Variants in RYK observed in about 807,000 individuals in gnomAD.
RYK encodes inactive tyrosine-protein kinase RYK.
In RYK, 21 loss-of-function variants were observed where a neutral mutation model predicts 70.2. The observed-to-expected ratio is 0.30, with a 90% CI of 0.21 to 0.43. RYK has a LOEUF of 0.43. Ranked by LOEUF, RYK falls within the 20% of genes least tolerant of loss-of-function variation. The pLI, the probability that RYK is intolerant of heterozygous loss-of-function variation, is 1.00. For synonymous variants in RYK, 267 were observed against 278.0 expected, an observed-to-expected ratio of 0.96 and a Z score of 0.39; for missense variants, 604 against 753.3, an observed-to-expected ratio of 0.80 and a Z score of 2.32.
At chr3:134,178,314 T>G in intron 10 of RYK, 1 of 361,744 alleles carries the variant, frequency 2.8e-6, no homozygotes, top group Non-Finnish European at 4.9e-6. Flanking sequence ...AACTCAAAGT[T>G]GCTTCCTGTG....
intron 6 of RYK, among the ~76,000 whole-genome samples, chr3:134,202,123 C>T (rs2014046720): frequency 1.3e-5 from 2 of 152,104 alleles, no homozygotes; most frequent in South Asian, 4.1e-4. Flanking sequence ...CTTTCTGTTC[C>T]CAGCACTTAG....
intron 5 of RYK, among the ~76,000 whole-genome samples, chr3:134,204,540 CAAAA>C (rs1269847238): frequency 6.7e-6 from 1 of 150,142 alleles, no homozygotes; most frequent in East Asian, 2.0e-4. Flanking sequence ...ATAAGAGAGA[CAAAA>C]AGAAAGCCTC....
At chr3:134,247,071 C>T (rs371723676) in intron 1 of RYK, among the ~76,000 whole-genome samples, 28 of 151,594 alleles carry the variant, frequency 1.8e-4, no homozygotes, top group African/African-American at 3.1e-4. Flanking sequence ...CGAATCAAAA[C>T]GCAATTTTGA....
At chr3:134,225,994 A>T (rs930851085) in intron 1 of RYK, among the ~76,000 whole-genome samples, 1 of 152,168 alleles carries the variant, frequency 6.6e-6, no homozygotes, top group Non-Finnish European at 1.5e-5. Context: ...TGCATTTAAA[A>T]TTTTTTTAAA....
chr3:134,233,900 C>A (rs2015131554), intron 1 of RYK, among the ~76,000 whole-genome samples: 1 of 152,070 alleles, frequency 6.6e-6, no homozygotes, highest in South Asian at 2.1e-4. Flanking sequence ...CAATGTCTGG[C>A]ACCTAGAATA....
At chr3:134,191,257 G>A (rs1017578219) in intron 8 of RYK, among the ~76,000 whole-genome samples, 2 of 152,176 alleles carry the variant, frequency 1.3e-5, no homozygotes, top group East Asian at 1.9e-4. Flanking sequence ...CCAGTGAGAG[G>A]TGAAGGGAAG....
At chr3:134,216,059 G>A (rs1478727490) in intron 2 of RYK, among the ~76,000 whole-genome samples, 4 of 146,998 alleles carry the variant, frequency 2.7e-5, no homozygotes. Context: ...AAAAGAAAAA[G>A]AAAATAAAAG....
chr3:134,202,928 G>A, intron 5 of RYK, 54 bp from the exon 6 acceptor site: 1 of 1,464,702 alleles, frequency 6.8e-7, no homozygotes. Context: ...TGACTGCTTT[G>A]TGACCCAATA....
chr3:134,224,198 G>A (rs1220874113), intron 1 of RYK, among the ~76,000 whole-genome samples: 6 of 152,154 alleles, frequency 3.9e-5, no homozygotes, highest in Admixed American at 1.3e-4. Context: ...TGAATGCCTG[G>A]CTGTGCTGTT....
chr3:134,215,968 G>A (rs1173510078), intron 2 of RYK, among the ~76,000 whole-genome samples: 10 of 151,420 alleles, frequency 6.6e-5, no homozygotes, highest in South Asian at 2.1e-4. Context: ...CCTGGGGGGC[G>A]GAGGATGTAG....
chr3:134,171,058 G>C (rs1404731960), intron 13 of RYK: 1 of 152,344 alleles, frequency 6.6e-6, no homozygotes, highest in Non-Finnish European at 1.5e-5. Context: ...ATGACGAGGA[G>C]GAAGAGGCGG....
chr3:134,233,862 A>G (rs1393377855), intron 1 of RYK, among the ~76,000 whole-genome samples: 2 of 152,218 alleles, frequency 1.3e-5, no homozygotes, highest in African/African-American at 4.8e-5. Flanking sequence ...AAATTACAAC[A>G]TACAAACTGT....
intron 3 of RYK, 93 bp from the exon 4 acceptor site, chr3:134,209,922 AT>A (rs1404305332): frequency 2.0e-6 from 2 of 1,015,412 alleles, no homozygotes; most frequent in Non-Finnish European, 2.8e-6. Context: ...AGAATTACTT[AT>A]TTTTGCTGCA....
At chr3:134,229,168 A>C (rs2014987537) in intron 1 of RYK, among the ~76,000 whole-genome samples, 1 of 152,304 alleles carries the variant, frequency 6.6e-6, no homozygotes, top group Non-Finnish European at 1.5e-5. Flanking sequence ...AAAACGTAGG[A>C]TAGAAGAGGC....
intron 7 of RYK, among the ~76,000 whole-genome samples, chr3:134,193,671 ATATT>A (rs1204786816): frequency 6.6e-6 from 1 of 152,192 alleles, no homozygotes; most frequent in East Asian, 1.9e-4. Context: ...TAAAAAGCAT[ATATT>A]TCTTTCTTCA....
At chr3:134,193,986 T>C (rs1377044170) in intron 7 of RYK, among the ~76,000 whole-genome samples, 2 of 152,236 alleles carry the variant, frequency 1.3e-5, no homozygotes, top group Non-Finnish European at 2.9e-5. Context: ...TTAGTAATGC[T>C]GAGTTCATCA....
chr3:134,188,609 T>A (rs2013546948), intron 9 of RYK, among the ~76,000 whole-genome samples: 1 of 152,232 alleles, frequency 6.6e-6, no homozygotes, highest in Non-Finnish European at 1.5e-5. Flanking sequence ...ATCTAAGAAA[T>A]GTCTTATGTC....
Position 134,173,152 on chromosome 3 carries a change from G to A in RYK, c.1575+2457C>T, listed in dbSNP as rs1482065010. Among the ~76,000 whole-genome samples the A allele has an allele frequency of 2.6e-5, 4 of 152,006 alleles. No homozygotes were observed. In the East Asian group the frequency reaches 5.8e-4, roughly 22 times the overall value. On this transcript the variant is annotated intron_variant, in intron 13 of 14. Coordinates refer to ENST00000623711, the MANE Select transcript of RYK (RefSeq NM_002958.4). ...CAAAATTAGCTAGGCATGGTGGTGC[G>A]CGCCTATAGTCCCAGCTACTCAGGA...
chr3:134,237,042 C>A (rs961474537), intron 1 of RYK, among the ~76,000 whole-genome samples: 6 of 152,102 alleles, frequency 3.9e-5, no homozygotes, highest in African/African-American at 1.4e-4. Flanking sequence ...TATTTTTAAA[C>A]AACTCAAATT....
Sources: gnomAD v4.1 joint callset for allele counts (sites outside exome capture counted in the v4.1 genomes callset) on GRCh38, gnomAD v4.1.1 for gene constraint, MANE v1.5 for transcripts, NCBI Gene and HGNC (gene_info 2026-07-23, HGNC 2026-07-21) for gene names.